PCDHA4: variants seen among roughly 807,000 people sequenced by gnomAD.
PCDHA4 encodes the protein protocadherin alpha-4.
A neutral mutation model predicts 61.4 loss-of-function variants in PCDHA4; 49 were observed. That is an observed-to-expected ratio of 0.80 (90% CI 0.63 to 1.01). PCDHA4 has a LOEUF of 1.01. Among genes scored for constraint, PCDHA4 ranks in the 50% least tolerant of loss-of-function variants. PCDHA4 has a pLI of 0.00. For synonymous variants in PCDHA4, 590 were observed against 550.3 expected, an observed-to-expected ratio of 1.07 and a Z score of -1.01; for missense variants, 1,254 against 1,235.8, an observed-to-expected ratio of 1.01 and a Z score of -0.22.
intron 1 of PCDHA4, chr5:140,834,198 C>T (rs1449732320): frequency 8.4e-6 from 5 of 594,740 alleles, no homozygotes; most frequent in African/African-American, 3.7e-5. Flanking sequence ...CGCTCTTTAC[C>T]GCAAATTCTT....
intron 1 of PCDHA4, chr5:140,967,465 C>T: frequency 1.2e-6 from 2 of 1,613,512 alleles, no homozygotes; most frequent in Non-Finnish European, 1.7e-6. Flanking sequence ...TGGATGGGGG[C>T]ATCCCAGCCC....
chr5:140,875,579 A>G (rs552791418), intron 1 of PCDHA4: 3 of 1,614,050 alleles, frequency 1.9e-6, no homozygotes, highest in Non-Finnish European at 2.5e-6. Context: ...TACTCCGTCT[A>G]CGAGGAGGCC....
At chr5:140,920,415 G>A (rs1229102806) in intron 1 of PCDHA4, among the ~76,000 whole-genome samples, 4 of 152,002 alleles carry the variant, frequency 2.6e-5, no homozygotes, top group Non-Finnish European at 5.9e-5. Flanking sequence ...ATCAGATACA[G>A]CTGTTCTCCC....
At position 140,842,972 on chromosome 5, in the gene PCDHA4, C is replaced by G; in HGVS notation, c.2385+33400C>G. 1.9e-6 allele frequency: 3 copies of G among 1,595,038 alleles called. 1 individual carries two copies. The highest frequency in any genetic ancestry group is 2.6e-6 in the Non-Finnish European group (3 of 1,165,520). On this transcript the variant is annotated intron_variant, in intron 1 of 3. Transcript: ENST00000530339. The stretch of plus-strand genomic sequence containing the variant: ...GCCGCCTCTGGGCAGCAACGTGACG[C>G]TGCAGGTGTTCGTGCTGGACGAGAA...
chr5:141,009,011 T>C (rs1461112133), intron 3 of PCDHA4, among the ~76,000 whole-genome samples: 1 of 152,256 alleles, frequency 6.6e-6, no homozygotes, highest in East Asian at 1.9e-4. Context: ...ATATTTTGCC[T>C]TTAGGCTCTG....
Position 140,967,000 on chromosome 5 carries a change from C to T in PCDHA4, c.2386-11949C>T, listed in dbSNP as rs544624379. The T allele has an allele frequency of 6.1e-5, 98 of 1,604,962 alleles. No individual in the cohort carries two copies. The East Asian group carries it at 2.1e-3, about 35-fold the overall frequency. ...GGCGCTTGGGGCCGGGTTGCTTGCG[C>T]ATCAACCATCTGGGTGCGCCCAGTC... On this transcript the variant is annotated intron_variant, in intron 1 of 3. Coordinates refer to ENST00000530339, the MANE Select transcript of PCDHA4 (RefSeq NM_018907.4).
At chr5:140,966,502 G>C in intron 1 of PCDHA4, 1 of 433,894 alleles carries the variant, frequency 2.3e-6, no homozygotes, top group Non-Finnish European at 4.0e-6. Flanking sequence ...GAGCTGTAGC[G>C]GCAGCAGCAG....
chr5:140,877,760 G>T, intron 1 of PCDHA4: 1 of 1,614,194 alleles, frequency 6.2e-7, no homozygotes, highest in Non-Finnish European at 8.5e-7. Flanking sequence ...TCTGCAGAGA[G>T]CCCGCCCAAG....
chr5:140,828,284 A>C (rs2150153622), intron 1 of PCDHA4: 17 of 1,613,938 alleles, frequency 1.1e-5, no homozygotes, highest in East Asian at 4.5e-5. Context: ...GCGCCTGTTC[A>C]GGATGGCCTC....
intron 3 of PCDHA4, among the ~76,000 whole-genome samples, chr5:140,989,753 A>G (rs1349273749): frequency 6.6e-6 from 1 of 152,224 alleles, no homozygotes; most frequent in Admixed American, 6.5e-5. Context: ...ATCTGGAGAA[A>G]CATATTCAGT....
At chr5:140,953,540 T>C (rs1217393469) in intron 1 of PCDHA4, among the ~76,000 whole-genome samples, 1 of 152,174 alleles carries the variant, frequency 6.6e-6, no homozygotes, top group Non-Finnish European at 1.5e-5. Flanking sequence ...CACTTCATGC[T>C]GATTCTTTTC....
chr5:140,858,784 T>C (rs1554152015), intron 1 of PCDHA4: 8 of 401,650 alleles, frequency 2.0e-5, no homozygotes, highest in Non-Finnish European at 3.6e-5. Context: ...TACTTCATGT[T>C]ATTTCATTTC....
intron 1 of PCDHA4, among the ~76,000 whole-genome samples, chr5:140,913,854 A>G: frequency 6.6e-6 from 1 of 152,128 alleles, no homozygotes; most frequent in Middle Eastern, 3.2e-3. Context: ...ATTCAGGAGC[A>G]TATTGTTTAA....
At chr5:140,948,727 T>C (rs2094298087) in intron 1 of PCDHA4, among the ~76,000 whole-genome samples, 2 of 151,670 alleles carry the variant, frequency 1.3e-5, no homozygotes, top group Admixed American at 1.3e-4. Flanking sequence ...TATCAATAAG[T>C]CTAGCTGAGA....
At position 140,850,688 on chromosome 5, in the gene PCDHA4, G is replaced by T. The variant is rs370343489; in HGVS notation, c.2385+41116G>T. ...GCTCGGCGATGCCCACCGAGGGCGA[G>T]TGCGCGCCTGGCAAGCCGACGCTGG... On this transcript the variant is annotated intron_variant, in intron 1 of 3. Coordinates refer to ENST00000530339, the MANE Select transcript of PCDHA4 (RefSeq NM_018907.4). The T allele has an allele frequency of 5.0e-6, 8 of 1,598,504 alleles. 1 individual carries two copies. Among genetic ancestry groups the T allele is most frequent in the Non-Finnish European group, 6.9e-6 (8 of 1,167,882 alleles).
chr5:141,000,887 AAC>A (rs1554257872), intron 3 of PCDHA4, among the ~76,000 whole-genome samples: 4 of 152,188 alleles, frequency 2.6e-5, no homozygotes. Context: ...CAACCTGGGC[AAC>A]AGATATAGAC....
Position 140,837,615 on chromosome 5 carries a change from CCCTTCCTT to C in PCDHA4, c.2385+28056_2385+28063del, listed in dbSNP as rs528339826. On this transcript the variant is annotated intron_variant, in intron 1 of 3. Transcript: ENST00000530339. ...CCAATATATATATTTTATAATTTGCCCCTTCCTTCCTTCCTTCCTTTCTTTCTTTCTTT... is the reference window on the plus strand; with the variant it reads ...CCAATATATATATTTTATAATTTGCCCCTTCCTTCCTTTCTTTCTTTCTTT... 5.5e-5 allele frequency among the ~76,000 whole-genome samples: 8 copies of C among 145,806 alleles called. 2 individuals are homozygous for C. The highest frequency in any genetic ancestry group is 1.2e-4 in the Non-Finnish European group (8 of 66,858).
chr5:140,983,900 G>T (rs1345141422), intron 3 of PCDHA4, among the ~76,000 whole-genome samples: 1 of 152,198 alleles, frequency 6.6e-6, no homozygotes, highest in Admixed American at 6.5e-5. Context: ...GGCATTCGTT[G>T]ATTCTAATCA....
At chr5:140,841,420 C>T in intron 1 of PCDHA4, 2 of 1,613,022 alleles carry the variant, frequency 1.2e-6, no homozygotes, top group African/African-American at 1.3e-5. Context: ...AGCTCCACTA[C>T]TCCGTCCCCG....
Sources: gnomAD v4.1 joint callset for allele counts (sites outside exome capture counted in the v4.1 genomes callset) on GRCh38, gnomAD v4.1.1 for gene constraint, MANE v1.5 for transcripts, NCBI Gene and HGNC (gene_info 2026-07-23, HGNC 2026-07-21) for gene names.